Variants in MAST4 observed in about 807,000 individuals in gnomAD.
MAST4 encodes the protein microtubule associated serine/threonine kinase family member 4.
A neutral mutation model predicts 162.7 loss-of-function variants in MAST4; 89 were observed. That is an observed-to-expected ratio of 0.55 (90% CI 0.46 to 0.65). The LOEUF is 0.65. MAST4 is among the 30% of genes least tolerant of loss of function. The probability of loss-of-function intolerance (pLI) is 0.00; values close to 1 mark genes in which losing one functional copy is unlikely to be tolerated. For missense variants in MAST4, 3,153 were observed against 3,374.0 expected (o/e 0.93, Z 1.62); for synonymous variants, 1,479 against 1,361.1 (o/e 1.09, Z -1.91).
At chr5:66,698,442 G>T (rs191722185) in intron 1 of MAST4, among the ~76,000 whole-genome samples, 140 of 145,196 alleles carry the variant, frequency 9.6e-4, no homozygotes, top group Middle Eastern at 3.5e-3. Context: ...CTACCCCCTT[G>T]CTGGCTGCTG....
intron 4 of MAST4, among the ~76,000 whole-genome samples, chr5:67,020,232 C>T (rs1489648218): frequency 1.3e-5 from 2 of 152,132 alleles, no homozygotes; most frequent in Non-Finnish European, 2.9e-5. Context: ...ATTGCCACAT[C>T]CTCTTTTAAA....
intron 12 of MAST4, chr5:67,115,224 T>TG (rs1766745860): frequency 6.6e-6 from 1 of 152,170 alleles, no homozygotes; most frequent in African/African-American, 2.4e-5. Context: ...ATTTATAACA[T>TG]TTAGGTTATA....
chr5:67,160,432 A>T, intron 26 of MAST4, 24 bp from the exon 27 acceptor site: 1 of 1,595,112 alleles, frequency 6.3e-7, no homozygotes, highest in Non-Finnish European at 8.5e-7. Flanking sequence ...ATTTCCCTTT[A>T]ATGCCACCTC....
At chr5:67,100,958 A>T (rs910070340) in intron 8 of MAST4, among the ~76,000 whole-genome samples, 3 of 152,220 alleles carry the variant, frequency 2.0e-5, no homozygotes, top group African/African-American at 7.2e-5. Flanking sequence ...AGGATTTTTT[A>T]AAATTCCAGA....
rs550023827 is a variant in MAST4, at chr5:66,876,940, A to C, written c.643-23011A>C. 5.3e-5 allele frequency among the ~76,000 whole-genome samples: 8 copies of C among 152,360 alleles called. No individual in the cohort carries two copies. In the South Asian group the frequency reaches 8.3e-4, roughly 16 times the overall value. On this transcript the variant is annotated intron_variant, in intron 3 of 28. Coordinates refer to ENST00000403625, the MANE Select transcript of MAST4 (RefSeq NM_001164664.2). ...ATCACTGTGTGGAACCAAGCTTAAAAAATCAATTCTGCAGTATCATACTTT... is the reference window on the plus strand; with the variant it reads ...ATCACTGTGTGGAACCAAGCTTAAACAATCAATTCTGCAGTATCATACTTT...
At chr5:66,649,207 C>T (rs969357754) in intron 1 of MAST4, among the ~76,000 whole-genome samples, 2 of 152,070 alleles carry the variant, frequency 1.3e-5, no homozygotes, top group Non-Finnish European at 2.9e-5. Context: ...TGTATAAATC[C>T]TCTTATTTAA....
chr5:66,968,176 A>G (rs1746982760), intron 4 of MAST4, among the ~76,000 whole-genome samples: 2 of 152,054 alleles, frequency 1.3e-5, no homozygotes. Context: ...TGCCGTAGTG[A>G]TGTTCTTTTG....
intron 26 of MAST4, among the ~76,000 whole-genome samples, chr5:67,156,608 A>T (rs1300016042): frequency 6.6e-6 from 1 of 152,206 alleles, no homozygotes; most frequent in African/African-American, 2.4e-5. Flanking sequence ...GGGGTGCGGG[A>T]TAGTCTAGGC....
At chr5:66,928,573 C>T (rs577875239) in intron 4 of MAST4, among the ~76,000 whole-genome samples, 1 of 152,302 alleles carries the variant, frequency 6.6e-6, no homozygotes, top group African/African-American at 2.4e-5. Flanking sequence ...ATCTCTACTA[C>T]ATTACCTGTT....
chr5:66,858,661 A>G (rs909409025), intron 3 of MAST4, among the ~76,000 whole-genome samples: 1 of 152,120 alleles, frequency 6.6e-6, no homozygotes, highest in African/African-American at 2.4e-5. Flanking sequence ...ATTTTTGGCT[A>G]TTTATGCTTT....
intron 4 of MAST4, among the ~76,000 whole-genome samples, chr5:66,908,732 A>T (rs895693392): frequency 2.0e-5 from 3 of 152,300 alleles, no homozygotes; most frequent in Middle Eastern, 3.4e-3. Flanking sequence ...CTGTCTCACT[A>T]AAAGCCACCT....
At chr5:66,975,418 A>G (rs1748014521) in intron 4 of MAST4, among the ~76,000 whole-genome samples, 1 of 152,144 alleles carries the variant, frequency 6.6e-6, no homozygotes, top group African/African-American at 2.4e-5. Flanking sequence ...CAGAAGAAGG[A>G]GCCCAGGAGT....
chr5:66,602,317 A>T (rs1268181116), intron 1 of MAST4, among the ~76,000 whole-genome samples: 1 of 152,156 alleles, frequency 6.6e-6, no homozygotes, highest in Non-Finnish European at 1.5e-5. Flanking sequence ...ACTAACACGC[A>T]TTACCAGTCT....
chr5:66,959,408 G>A, intron 4 of MAST4: 1 of 726,934 alleles, frequency 1.4e-6, no homozygotes, highest in Non-Finnish European at 2.6e-6. Flanking sequence ...ACTGCAGTGT[G>A]AGGTGGAGGA....
Position 67,167,210 on chromosome 5 carries a change from T to TC in MAST4, c.*161dup. The TC allele has an allele frequency of 2.6e-6, 1 of 382,622 alleles. No individual in the cohort carries two copies. The highest frequency in any genetic ancestry group is 4.4e-6 in the Non-Finnish European group (1 of 228,390). The allele number at this position is 382,622 out of a possible 1,614,324, so 23.7% of individuals were successfully genotyped here. On this transcript the variant is annotated 3_prime_UTR_variant, in exon 29 of 29. Transcript: ENST00000403625. Reference sequence around the variant, plus strand: ...GAGAAAGACAAAGAGGGGACCTTCTTCCAGATGCCTTCCCAGTTGTAACCG... The same window carrying TC: ...GAGAAAGACAAAGAGGGGACCTTCTTCCCAGATGCCTTCCCAGTTGTAACCG...
At chr5:66,625,577 A>G (rs1744371136) in intron 1 of MAST4, among the ~76,000 whole-genome samples, 3 of 152,334 alleles carry the variant, frequency 2.0e-5, no homozygotes, top group East Asian at 1.9e-4. Context: ...GCTAACAGGT[A>G]TATTTAAAGG....
rs542318980 is a variant in MAST4, at chr5:66,700,750, T to A, written c.364-58959T>A. On this transcript the variant is annotated intron_variant, in intron 1 of 28. Transcript: ENST00000403625. ...ACTCTAAGCAAGTCCTTTCTCTGTATGGAAATGAGGCTGTGAGATTAAAAA... is the reference window on the plus strand; with the variant it reads ...ACTCTAAGCAAGTCCTTTCTCTGTAAGGAAATGAGGCTGTGAGATTAAAAA... Among the ~76,000 whole-genome samples, 21 of 151,102 alleles carry A rather than the reference T, an allele frequency of 1.4e-4. No homozygotes were observed. In the South Asian group the frequency reaches 2.7e-3, roughly 20 times the overall value.
At chr5:66,642,323 A>T (rs1378895838) in intron 1 of MAST4, among the ~76,000 whole-genome samples, 1 of 152,224 alleles carries the variant, frequency 6.6e-6, no homozygotes, top group African/African-American at 2.4e-5. Context: ...ATCACAAATG[A>T]TGAGAACATG....
intron 3 of MAST4, among the ~76,000 whole-genome samples, chr5:66,798,606 A>C (rs573527989): frequency 6.6e-6 from 1 of 152,226 alleles, no homozygotes; most frequent in African/African-American, 2.4e-5. Context: ...TTGAAGGTAC[A>C]TTACTGTTTT....
Sources: gnomAD v4.1 joint callset for allele counts (sites outside exome capture counted in the v4.1 genomes callset) on GRCh38, gnomAD v4.1.1 for gene constraint, MANE v1.5 for transcripts, NCBI Gene and HGNC (gene_info 2026-07-23, HGNC 2026-07-21) for gene names.